INO80B: variants seen among roughly 807,000 people sequenced by gnomAD.
INO80B encodes the protein INO80 complex subunit B, also known as IES2 homolog.
A neutral mutation model predicts 31.4 loss-of-function variants in INO80B; 18 were observed. The observed-to-expected ratio is 0.57, with a 90% CI of 0.40 to 0.85. The LOEUF (loss-of-function observed/expected upper bound fraction) is 0.85, where lower values mean the gene tolerates loss of function less well. Ranked by LOEUF, INO80B falls within the 40% of genes least tolerant of loss-of-function variation. INO80B has a pLI of 0.00. For missense variants in INO80B, 469 were observed against 475.4 expected, an observed-to-expected ratio of 0.99 and a Z score of 0.13; for synonymous variants, 238 against 199.0, an observed-to-expected ratio of 1.20 and a Z score of -1.65.
Position 74,457,931 on chromosome 2 carries a change from A to G in INO80B, c.*67A>G. ...TTGAGTATCTTCCCCACCCTATTAA[A>G]TTACATCCGGTGCTTCGGCTTGTAC... On this transcript the variant is annotated 3_prime_UTR_variant, in exon 5 of 5. Transcript: ENST00000233331. The G allele has an allele frequency of 1.4e-6, 2 of 1,400,112 alleles. No homozygotes were observed. Among genetic ancestry groups the G allele is most frequent in the Non-Finnish European group, 9.5e-7 (1 of 1,053,554 alleles). 86.7% of individuals were successfully genotyped at this position (1,400,112 alleles called of 1,614,324 possible).
chr2:74,455,224 CGTTCTTGCTCCTCGGAGAGTCCA>C (rs751838746), intron 1 of INO80B, 50 bp downstream of exon 1: 1 of 1,599,526 alleles, frequency 6.3e-7, no homozygotes, highest in Non-Finnish European at 8.6e-7. Flanking sequence ...AAAGAAGTCC[CGTTCTTGCTCCTCGGAGAGTCCA>C]GGGTACTTCG....
rs550322419 is a variant in INO80B at position 74,457,695 on chromosome 2, C to G, written c.902C>G (p.Ser301Cys). ...PAPTAVSQRP[S>C]PSGPPPRCSV... ...CCCACGGCAGTGTCTCAGCGGCCATCCCCCTCAGGCCCGCCGCCGCGCTGC... is the reference window on the plus strand; with the variant it reads ...CCCACGGCAGTGTCTCAGCGGCCATGCCCCTCAGGCCCGCCGCCGCGCTGC... The change falls in exon 5 of 5, where the codon TCC becomes TGC. Residue 301 changes from serine (S) to cysteine (C), a missense_variant. Transcript: ENST00000233331. 6.3e-5 allele frequency: 101 copies of G among 1,599,250 alleles called. 1 individual carries two copies. The South Asian group carries it at 1.1e-3, about 17-fold the overall frequency.
intron 1 of INO80B, 46 bp downstream of exon 1, chr2:74,455,220 G>T (rs1474894999): frequency 6.2e-7 from 1 of 1,605,280 alleles, no homozygotes; most frequent in Non-Finnish European, 8.5e-7. Flanking sequence ...TAGAAAAGAA[G>T]TCCCGTTCTT....
chr2:74,457,835 G>A lies in INO80B; in HGVS notation c.1042G>A (p.Gly348Ser). ...NLQMRLGGPE[G>S]PGSPLLAT ...GCAGATGCGGCTGGGGGGGCCCGAG[G>A]GTCCTGGATCCCCCCTTTTGGCTAC... Residue 348 changes from glycine (G) to serine (S), a missense_variant, in exon 5 of 5, where the codon GGT becomes AGT. Physicochemically the swap from Gly to Ser is moderately conservative, Grantham distance 56 (BLOSUM62 0). Transcript: ENST00000233331. The A allele has an allele frequency of 6.4e-7, 1 of 1,573,410 alleles. No individual in the cohort carries two copies. Among genetic ancestry groups the A allele is most frequent in the South Asian group, 1.1e-5 (1 of 88,026 alleles).
intron 3 of INO80B, 51 bp downstream of exon 3, chr2:74,455,987 G>A: frequency 6.4e-7 from 1 of 1,554,450 alleles, no homozygotes; most frequent in East Asian, 2.2e-5. Context: ...CCCGCCTAAA[G>A]AAAGAAGGTT....
Position 74,457,433 on chromosome 2 carries a change from C to T in INO80B, c.640C>T (p.Leu214=). The change falls in exon 5 of 5, where the codon CTG becomes TTG. Residue 214 remains leucine, a synonymous_variant. Coordinates refer to ENST00000233331, the MANE Select transcript of INO80B (RefSeq NM_031288.4). ...PPPALTEEML[L]KREERARKRR... is the part of the protein sequence containing the mutation. The stretch of plus-strand genomic sequence containing the variant: ...TCCCGCCCTCACAGAGGAGATGCTG[C>T]TGAAGCGCGAGGAGCGGGCGCGGAA... 1 of 1,591,104 alleles carries T rather than the reference C, an allele frequency of 6.3e-7. No individual in the cohort carries two copies. Among genetic ancestry groups the T allele is most frequent in the Non-Finnish European group, 8.6e-7 (1 of 1,169,162 alleles).
At position 74,457,482 on chromosome 2, in the gene INO80B, G is replaced by C; in HGVS notation, c.689G>C (p.Arg230Pro). ...ARKRRLQAARRAEEHKNQTIE... is the reference protein window; with the variant it reads ...ARKRRLQAARPAEEHKNQTIE... ...AAGCGGCGGCTCCAGGCGGCGCGGC[G>C]GGCAGAAGAGCACAAGAACCAGACT... The change falls in exon 5 of 5, where the codon CGG becomes CCG. Residue 230 changes from arginine to proline, a missense_variant. Transcript: ENST00000233331. The C allele has an allele frequency of 6.4e-7, 1 of 1,552,346 alleles. No homozygotes were observed. The highest frequency in any genetic ancestry group is 1.4e-5 in the African/African-American group (1 of 73,304).
intron 1 of INO80B, 69 bp downstream of exon 1, chr2:74,455,243 G>T: frequency 6.3e-7 from 1 of 1,581,592 alleles, no homozygotes; most frequent in South Asian, 1.1e-5. Context: ...TCCTCGGAGA[G>T]TCCAGGGTAC....
rs1244297004 is a variant in INO80B, at chr2:74,455,460, A to T, written c.113A>T (p.Lys38Ile). 1 of 1,614,052 alleles carries T rather than the reference A, an allele frequency of 6.2e-7. No individual in the cohort carries two copies. The highest frequency in any genetic ancestry group is 8.5e-7 in the Non-Finnish European group (1 of 1,180,046). ...GCCCATGGCCATGGAGTGCACAAGA[A>T]AAAACACAAGAAGCACAAGAAGAAA... ...AGAHGHGVHK[K>I]KHKKHKKKHK... Residue 38 changes from lysine (K) to isoleucine (I), a missense_variant, in exon 2 of 5, where the codon AAA (lysine) becomes ATA (isoleucine). Physicochemically the swap from Lys to Ile is moderately radical, Grantham distance 102. Around this residue, in one of 3 missense-constraint regions of INO80B, gnomAD observed 223 missense variants for 253.4 expected, o/e 0.88. Coordinates refer to ENST00000233331, the MANE Select transcript of INO80B (RefSeq NM_031288.4).
chr2:74,455,535 C>T lies in INO80B; in HGVS notation c.188C>T (p.Ser63Phe), dbSNP rs772123411. ...GAAGACGCCGGGCCCACGCAGCCGT[C>T]CCCTGCCAAGCCTCAGCTCAAACTC... ...QEEDAGPTQP[S>F]PAKPQLKLKI... Residue 63 changes from serine (S) to phenylalanine (F), a missense_variant, in exon 2 of 5, where the codon TCC becomes TTC. Transcript: ENST00000233331. The T allele has an allele frequency of 3.1e-6, 5 of 1,614,148 alleles. No homozygotes were observed. The highest frequency in any genetic ancestry group is 1.7e-5 in the Admixed American group (1 of 60,012).
In INO80B at chr2:74,457,501, C is replaced by T; in HGVS notation, c.708C>T (p.Asn236=). The T allele has an allele frequency of 1.3e-6, 2 of 1,547,264 alleles. No homozygotes were observed. The highest frequency in any genetic ancestry group is 1.7e-6 in the Non-Finnish European group (2 of 1,146,514). ...QAARRAEEHK[N]QTIERLTKTA... is the part of the protein sequence containing the mutation. ...CGCGGCGGGCAGAAGAGCACAAGAA[C>T]CAGACTATCGAGCGCCTCACCAAGA... The change falls in exon 5 of 5, where the codon AAC becomes AAT. Residue 236 remains asparagine (N), a synonymous_variant. Transcript: ENST00000233331.
At chr2:74,457,088 C>T (rs1671724536) in intron 4 of INO80B, among the ~76,000 whole-genome samples, 1 of 152,180 alleles carries the variant, frequency 6.6e-6, no homozygotes, top group African/African-American at 2.4e-5. Context: ...TGATGCTTCT[C>T]CCCTTGAGAG....
chr2:74,456,350 G>GGGTC, intron 4 of INO80B, 78 bp downstream of exon 4: 1 of 1,459,580 alleles, frequency 6.9e-7, no homozygotes, highest in Non-Finnish European at 9.5e-7. Flanking sequence ...CACTTTGCGT[G>GGGTC]GCATTGGGGA....
chr2:74,455,750 G>T, intron 2 of INO80B, 68 bp from the exon 3 acceptor site: 1 of 1,402,928 alleles, frequency 7.1e-7, no homozygotes, highest in Non-Finnish European at 1.0e-6. Context: ...GGGGAAAGTT[G>T]GGTGTAGCTA....
In INO80B at chr2:74,455,868, T is replaced by A. The variant is rs1671679930; in HGVS notation, c.302T>A (p.Leu101His). The A allele has an allele frequency of 1.2e-6, 2 of 1,613,712 alleles. No individual in the cohort carries two copies. The highest frequency in any genetic ancestry group is 2.7e-5 in the African/African-American group (2 of 74,890). Residue 101 changes from leucine to histidine, a missense_variant, in exon 3 of 5, where the codon CTT becomes CAT. This residue lies in a region of INO80B where 223 missense variants were observed against 253.4 expected (regional missense o/e 0.88). Coordinates refer to ENST00000233331, the MANE Select transcript of INO80B (RefSeq NM_031288.4). ...IPEGPRSPSP[L>H]MVVDNEEEPM... Reference sequence around the variant, plus strand: ...GAGGGGCCTCGCTCACCCTCTCCCCTTATGGTTGTGGATAATGAAGAGGAA... The same window carrying A: ...GAGGGGCCTCGCTCACCCTCTCCCCATATGGTTGTGGATAATGAAGAGGAA...
At chr2:74,457,103 G>A (rs769667616) in intron 4 of INO80B, among the ~76,000 whole-genome samples, 1 of 152,172 alleles carries the variant, frequency 6.6e-6, no homozygotes, top group African/African-American at 2.4e-5. Flanking sequence ...TGAGAGATAA[G>A]GACCTAAAGC....
In INO80B at chr2:74,457,791, A is replaced by G. The variant is rs1305247690; in HGVS notation, c.998A>G (p.Gln333Arg). The G allele has an allele frequency of 1.8e-5, 29 of 1,593,972 alleles. No homozygotes were observed. Among genetic ancestry groups the G allele is most frequent in the Non-Finnish European group, 2.4e-5 (28 of 1,177,746 alleles). Residue 333 changes from glutamine to arginine, a missense_variant, in exon 5 of 5, where the codon CAG (glutamine) becomes CGG (arginine). This residue lies in a region of INO80B where 201 missense variants were observed against 151.7 expected (regional missense o/e 1.32). Coordinates refer to ENST00000233331, the MANE Select transcript of INO80B (RefSeq NM_031288.4). The part of the protein sequence containing the change: ...SRTGQALCSL[Q>R]CYRINLQMRL... ...ACAGGCCAGGCACTCTGTAGTCTTCAGTGCTACCGCATCAACCTGCAGATG... is the reference window on the plus strand; with the variant it reads ...ACAGGCCAGGCACTCTGTAGTCTTCGGTGCTACCGCATCAACCTGCAGATG...
chr2:74,457,916 TC>T lies in INO80B; in HGVS notation c.*56del, dbSNP rs781537372. The T allele has an allele frequency of 6.9e-7, 1 of 1,453,562 alleles. No homozygotes were observed. The highest frequency in any genetic ancestry group is 1.5e-5 in the African/African-American group (1 of 68,674). 90.0% of individuals were successfully genotyped at this position (1,453,562 alleles called of 1,614,324 possible). A position where few individuals can be genotyped will look rare whatever the true frequency, so the allele number is the denominator to read the frequency against. On this transcript the variant is annotated 3_prime_UTR_variant, in exon 5 of 5. Transcript: ENST00000233331. ...GTCCCATGCCCGCTCTTGAGTATCT[TC>T]CCCACCCTATTAAATTACATCCGGT...
chr2:74,456,407 T>G, intron 4 of INO80B, 135 bp downstream of exon 4: 1 of 786,178 alleles, frequency 1.3e-6, no homozygotes, highest in Non-Finnish European at 2.0e-6. Context: ...CTGGAGCTAG[T>G]ATTCTAGTGT....
Sources: gnomAD v4.1 joint callset for allele counts (sites outside exome capture counted in the v4.1 genomes callset) on GRCh38, gnomAD v4.1.1 for gene constraint, gnomAD v4.1.1 regional missense constraint, MANE v1.5 for transcripts, NCBI Gene and HGNC (gene_info 2026-07-23, HGNC 2026-07-21) for gene names.